ADCY10: variants seen among roughly 807,000 people sequenced by gnomAD.
ADCY10 encodes the protein adenylate cyclase type 10.
A neutral mutation model predicts 183.3 loss-of-function variants in ADCY10; 156 were observed. The ratio of observed to expected loss-of-function variants is 0.85; its 90% CI spans 0.75 to 0.97. The LOEUF (loss-of-function observed/expected upper bound fraction) is 0.97, where lower values mean the gene tolerates loss of function less well. Among genes scored for constraint, ADCY10 ranks in the 50% least tolerant of loss-of-function variants. The probability of loss-of-function intolerance (pLI) is 0.00; values close to 1 mark genes in which losing one functional copy is unlikely to be tolerated. For synonymous variants in ADCY10, 645 were observed against 670.0 expected, an observed-to-expected ratio of 0.96 and a Z score of 0.58; for missense variants, 1,745 against 1,934.3, an observed-to-expected ratio of 0.90 and a Z score of 1.84.
chr1:167,824,514 G>A lies in ADCY10; in HGVS notation c.4014C>T (p.Ser1338=). 3 of 1,614,142 alleles carry A rather than the reference G, an allele frequency of 1.9e-6. No homozygotes were observed. The highest frequency in any genetic ancestry group is 2.5e-6 in the Non-Finnish European group (3 of 1,180,022). ...GGAGACATCTGCTAAGTCTGCAGAG[G>A]GACTGATAATGTCGGTTGGGATTCT... The part of the protein sequence containing the change: ...LLQNPNRHYQ[S]LCRLSRCLLL... The change falls in exon 28 of 33, where the codon TCC becomes TCT. Residue 1338 remains serine, a synonymous_variant. Transcript: ENST00000367851.
chr1:167,811,060 A>G lies in ADCY10; in HGVS notation c.4483-147T>C, dbSNP rs910711266. ...CATTATAGAGACATACACAGTAGGT[A>G]TTGGAGATAAGACAATAAATGTCAG... On this transcript the variant is annotated intron_variant, in intron 31 of 32. Transcript: ENST00000367851. 4 of 758,102 alleles carry G rather than the reference A, an allele frequency of 5.3e-6. No homozygotes were observed. In the African/African-American group the frequency reaches 7.0e-5, roughly 13 times the overall value. The allele number at this position is 758,102 out of a possible 1,614,324, so 47.0% of individuals were successfully genotyped here. A position where few individuals can be genotyped will look rare whatever the true frequency, so the allele number is the denominator to read the frequency against.
chr1:167,818,344 G>A, intron 30 of ADCY10, 77 bp from the exon 31 acceptor site: 3 of 1,296,436 alleles, frequency 2.3e-6, no homozygotes, highest in Non-Finnish European at 3.4e-6. Context: ...TGTCTCTCTG[G>A]ATGTGCAGCT....
intron 24 of ADCY10, 118 bp downstream of exon 24, chr1:167,833,852 C>T: frequency 1.2e-6 from 1 of 809,334 alleles, no homozygotes; most frequent in South Asian, 1.5e-5. Context: ...AGAGTCTTGG[C>T]TAGAAGTCTG....
chr1:167,813,893 G>A (rs754472686), intron 31 of ADCY10, among the ~76,000 whole-genome samples: 22 of 152,128 alleles, frequency 1.4e-4, no homozygotes, highest in Non-Finnish European at 2.8e-4. Context: ...TATTAAAGGA[G>A]TGGAGTTCTT....
At position 167,809,596 on chromosome 1, in the gene ADCY10, G is replaced by T. The variant is rs1422763602; in HGVS notation, c.*82C>A. On this transcript the variant is annotated 3_prime_UTR_variant, in exon 33 of 33. Transcript: ENST00000367851. ...ACAGAAGAGATTATGTAGGAACCTG[G>T]AGTGGGCCAGCCACGGAGAAAGGTC... 3 of 1,443,972 alleles carry T rather than the reference G, an allele frequency of 2.1e-6. No individual in the cohort carries two copies. The highest frequency in any genetic ancestry group is 1.7e-5 in the Admixed American group (1 of 59,552). The allele number at this position is 1,443,972 out of a possible 1,614,324, so 89.4% of individuals were successfully genotyped here.
chr1:167,905,994 T>G (rs1224946019), intron 1 of ADCY10, among the ~76,000 whole-genome samples: 1 of 152,178 alleles, frequency 6.6e-6, no homozygotes, highest in African/African-American at 2.4e-5. Flanking sequence ...TGGAATAGGT[T>G]ATACAGAAAA....
chr1:167,890,453 G>A (rs533429147), intron 8 of ADCY10, among the ~76,000 whole-genome samples: 88 of 152,014 alleles, frequency 5.8e-4, no homozygotes, highest in South Asian at 2.1e-3. Flanking sequence ...CTGGGGGTGG[G>A]GTCACACAAG....
At chr1:167,879,051 T>C (rs1667692129) in intron 11 of ADCY10, among the ~76,000 whole-genome samples, 1 of 152,224 alleles carries the variant, frequency 6.6e-6, no homozygotes. Flanking sequence ...CATGCTCCTA[T>C]GAATAAACCT....
chr1:167,830,427 T>G (rs1305180685), intron 25 of ADCY10, among the ~76,000 whole-genome samples: 1 of 152,008 alleles, frequency 6.6e-6, no homozygotes, highest in Non-Finnish European at 1.5e-5. Flanking sequence ...AGCCTCGCTC[T>G]GTTGTCCAGG....
intron 11 of ADCY10, 99 bp from the exon 12 acceptor site, chr1:167,878,734 C>T: frequency 4.1e-6 from 5 of 1,216,100 alleles, no homozygotes; most frequent in South Asian, 3.9e-5. Flanking sequence ...TTACCCTTTA[C>T]TCCCTTTGCT....
Position 167,826,359 on chromosome 1 carries a change from C to A in ADCY10, c.3751-1504G>T, listed in dbSNP as rs77937576. On this transcript the variant is annotated intron_variant, in intron 26 of 32. Transcript: ENST00000367851. ...GAAAATATAAAGCTCCTTGTTTATGCGGCTTTTCAGTGGTCACACTGCAGA... is the reference window on the plus strand; with the variant it reads ...GAAAATATAAAGCTCCTTGTTTATGAGGCTTTTCAGTGGTCACACTGCAGA... 6.3e-3 allele frequency among the ~76,000 whole-genome samples: 959 copies of A among 152,332 alleles called. 33 individuals are homozygous for A. The highest frequency in any genetic ancestry group is 0.06 in the East Asian group (312 of 5,182).
chr1:167,831,291 G>A (rs1663713606), intron 25 of ADCY10, among the ~76,000 whole-genome samples: 1 of 152,086 alleles, frequency 6.6e-6, no homozygotes, highest in South Asian at 2.1e-4. Context: ...CCTGGTTCAA[G>A]CAATTCCCCT....
intron 11 of ADCY10, among the ~76,000 whole-genome samples, chr1:167,879,455 C>T (rs879597363): frequency 2.0e-5 from 3 of 151,966 alleles, no homozygotes; most frequent in Admixed American, 6.6e-5. Context: ...GAAATTTGAC[C>T]ATAAAATAAA....
chr1:167,890,272 G>A lies in ADCY10; in HGVS notation c.828+3581C>T, dbSNP rs191973795. Among the ~76,000 whole-genome samples, 12 of 152,218 alleles carry A rather than the reference G, an allele frequency of 7.9e-5. No individual in the cohort carries two copies. The East Asian group carries it at 9.6e-4, about 12-fold the overall frequency. Reference sequence around the variant, plus strand: ...AGCCATATCTATATTACAGAGCACCGCAAGTGCAGTAATGCTATGGTTCTT... The same window carrying A: ...AGCCATATCTATATTACAGAGCACCACAAGTGCAGTAATGCTATGGTTCTT... On this transcript the variant is annotated intron_variant, in intron 8 of 32. Transcript: ENST00000367851.
chr1:167,857,155 C>G (rs1665973265), intron 16 of ADCY10, among the ~76,000 whole-genome samples: 1 of 152,202 alleles, frequency 6.6e-6, no homozygotes, highest in Non-Finnish European at 1.5e-5. Context: ...CAGGCTCTGC[C>G]TTACCACTGT....
At chr1:167,861,659 C>T (rs917172365) in intron 14 of ADCY10, among the ~76,000 whole-genome samples, 3 of 152,164 alleles carry the variant, frequency 2.0e-5, no homozygotes, top group African/African-American at 4.8e-5. Flanking sequence ...TGACTACATA[C>T]CCTTTCTTCT....
At chr1:167,819,958 G>A in intron 30 of ADCY10, 1 of 1,251,248 alleles carries the variant, frequency 8.0e-7, no homozygotes, top group Non-Finnish European at 1.2e-6. Flanking sequence ...CATCTGTGCT[G>A]TATTCTTCCA....
At chr1:167,887,168 T>C (rs203853) in intron 8 of ADCY10, among the ~76,000 whole-genome samples, 152,213 of 152,214 alleles carry the variant, frequency 1, 76,106 homozygotes, top group Non-Finnish European at 1. Context: ...ACTAGAAATA[T>C]CATTTGACCC....
At chr1:167,841,295 C>T (rs954194823) in intron 21 of ADCY10, among the ~76,000 whole-genome samples, 8 of 151,962 alleles carry the variant, frequency 5.3e-5, no homozygotes, top group African/African-American at 9.7e-5. Context: ...GGAAGGGCCA[C>T]GCTCCTGTCT....
Sources: allele counts gnomAD v4.1 joint callset (sites outside exome capture counted in the v4.1 genomes callset), GRCh38; gene constraint gnomAD v4.1.1; transcripts MANE v1.5; gene names NCBI Gene and HGNC (gene_info 2026-07-23, HGNC 2026-07-21).